The following SORCS2 variants were observed in gnomAD, a reference collection of about 807,000 sequenced individuals.
The protein encoded by SORCS2 is VPS10 domain-containing receptor SorCS2.
SORCS2 carries 100 observed loss-of-function variants against 141.6 expected under a neutral mutation model. The ratio of observed to expected loss-of-function variants is 0.71; its 90% CI spans 0.60 to 0.83. SORCS2 has a LOEUF of 0.83. Among genes scored for constraint, SORCS2 ranks in the 40% least tolerant of loss-of-function variants. The pLI is 0.00. For synonymous variants in SORCS2, 789 were observed against 676.9 expected (o/e 1.17, Z -2.57); for missense variants, 1,646 against 1,560.2 (o/e 1.05, Z -0.93).
chr4:7,256,638 A>T (rs774193027), intron 1 of SORCS2, among the ~76,000 whole-genome samples: 1 of 149,914 alleles, frequency 6.7e-6, no homozygotes, highest in Non-Finnish European at 1.5e-5. Flanking sequence ...AGGCAGGAAA[A>T]CCCCAAATCT....
chr4:7,599,828 T>C (rs1006551686), intron 3 of SORCS2, among the ~76,000 whole-genome samples: 21 of 151,282 alleles, frequency 1.4e-4, no homozygotes, highest in African/African-American at 5.1e-4. Context: ...TTTTTCTTTT[T>C]TTTTTTTTTT....
At position 7,740,434 on chromosome 4, in the gene SORCS2, A is replaced by T; in HGVS notation, c.*170A>T. On this transcript the variant is annotated 3_prime_UTR_variant, in exon 27 of 27. Transcript: ENST00000507866. The stretch of plus-strand genomic sequence containing the variant: ...GATAAATCCAAGCCCGCCCAGGCCC[A>T]CGGGGGGCCCACGGGACCCCCCGGG... 1.6e-6 allele frequency: 1 copy of T among 625,180 alleles called. No individual in the cohort carries two copies. 38.7% of individuals were successfully genotyped at this position (625,180 alleles called of 1,614,324 possible). A position where few individuals can be genotyped will look rare whatever the true frequency, so the allele number is the denominator to read the frequency against.
chr4:7,446,347 C>T (rs1485057894), intron 2 of SORCS2, among the ~76,000 whole-genome samples: 3 of 152,210 alleles, frequency 2.0e-5, no homozygotes, highest in East Asian at 1.9e-4. Flanking sequence ...CATGGCACCT[C>T]GCAGTGGCGT....
chr4:7,514,034 A>G (rs752059726), intron 2 of SORCS2, among the ~76,000 whole-genome samples: 1 of 152,118 alleles, frequency 6.6e-6, no homozygotes, highest in Non-Finnish European at 1.5e-5. Context: ...TCGTGCGTGC[A>G]TTTCAGCAAA....
chr4:7,311,757 A>G (rs1718198212), intron 1 of SORCS2, among the ~76,000 whole-genome samples: 1 of 152,188 alleles, frequency 6.6e-6, no homozygotes, highest in Admixed American at 6.5e-5. Context: ...TCATGGTTAT[A>G]GTGTTTCGAG....
chr4:7,577,774 A>C (rs1715862531), intron 3 of SORCS2, among the ~76,000 whole-genome samples: 1 of 148,638 alleles, frequency 6.7e-6, no homozygotes, highest in Non-Finnish European at 1.5e-5. Context: ...CATACAGGTG[A>C]AGTCAGCTAG....
intron 1 of SORCS2, among the ~76,000 whole-genome samples, chr4:7,279,271 C>G (rs1236026119): frequency 6.6e-6 from 1 of 152,130 alleles, no homozygotes; most frequent in Non-Finnish European, 1.5e-5. Context: ...GGAAAAACAT[C>G]AGATGGAGCT....
chr4:7,470,057 G>GA (rs1353202724), intron 2 of SORCS2, among the ~76,000 whole-genome samples: 1 of 152,176 alleles, frequency 6.6e-6, no homozygotes. Context: ...ATGGCCAAGG[G>GA]AAAACGCTCC....
At chr4:7,595,612 A>G (rs1264684754) in intron 3 of SORCS2, among the ~76,000 whole-genome samples, 1 of 149,886 alleles carries the variant, frequency 6.7e-6, no homozygotes, top group Non-Finnish European at 1.5e-5. Context: ...CAAGGGTCCT[A>G]GGAGCTGTGT....
In SORCS2 at chr4:7,737,292, C is replaced by T. The variant is rs1183567149; in HGVS notation, c.3415+120C>T. 1.3e-4 allele frequency: 182 copies of T among 1,429,558 alleles called. 3 individuals are homozygous for T. In the South Asian group the frequency reaches 2.3e-3, roughly 18 times the overall value. 88.6% of individuals were successfully genotyped at this position (1,429,558 alleles called of 1,614,324 possible). On this transcript the variant is annotated intron_variant, in intron 26 of 26. Transcript: ENST00000507866. ...CGCTGGGGCCAGCAAAACGCTGGCC[C>T]AGCAGCCCTTGCCAGCGGGTCGGTC...
intron 3 of SORCS2, among the ~76,000 whole-genome samples, chr4:7,590,400 G>A (rs189273933): frequency 1.3e-5 from 2 of 152,212 alleles, no homozygotes; most frequent in East Asian, 1.9e-4. Context: ...GGCTTGTGAA[G>A]ACTGTGAAGG....
At chr4:7,418,236 C>T (rs1031105235) in intron 2 of SORCS2, among the ~76,000 whole-genome samples, 4 of 152,138 alleles carry the variant, frequency 2.6e-5, no homozygotes, top group Non-Finnish European at 5.9e-5. Flanking sequence ...CCATGGGGCT[C>T]GCGTTCTAGC....
At chr4:7,676,318 C>T (rs898216935) in intron 9 of SORCS2, 89 bp downstream of exon 9, 18 of 1,389,554 alleles carry the variant, frequency 1.3e-5, no homozygotes, top group Middle Eastern at 5.0e-4. Context: ...CCTCCCCTCC[C>T]GCCTGTCTAT....
At chr4:7,588,152 G>C (rs955968454) in intron 3 of SORCS2, among the ~76,000 whole-genome samples, 1 of 152,164 alleles carries the variant, frequency 6.6e-6, no homozygotes, top group African/African-American at 2.4e-5. Context: ...CAAATGGCTT[G>C]TTAACCAGAA....
intron 2 of SORCS2, chr4:7,433,809 C>G (rs1244381088): frequency 3.7e-6 from 6 of 1,613,782 alleles, no homozygotes; most frequent in Non-Finnish European, 4.2e-6. Flanking sequence ...TGCACACCTT[C>G]TCTGGGGTGA....
At chr4:7,582,792 C>A (rs1441059902) in intron 3 of SORCS2, among the ~76,000 whole-genome samples, 2 of 152,180 alleles carry the variant, frequency 1.3e-5, no homozygotes, top group Admixed American at 6.5e-5. Flanking sequence ...ATGCCTCCTT[C>A]CACCTGGGTC....
chr4:7,543,137 C>T (rs1337207193), intron 3 of SORCS2, among the ~76,000 whole-genome samples: 3 of 152,170 alleles, frequency 2.0e-5, no homozygotes, highest in African/African-American at 7.2e-5. Context: ...GGCACAGAGC[C>T]CTGGAGGCTT....
chr4:7,444,189 T>C (rs1026864780), intron 2 of SORCS2, among the ~76,000 whole-genome samples: 14 of 152,264 alleles, frequency 9.2e-5, no homozygotes, highest in Admixed American at 2.0e-4. Flanking sequence ...TACTATGTGC[T>C]GAGTGCTATT....
At chr4:7,622,665 C>T (rs1035310258) in intron 3 of SORCS2, among the ~76,000 whole-genome samples, 4 of 152,140 alleles carry the variant, frequency 2.6e-5, no homozygotes, top group African/African-American at 9.7e-5. Context: ...TCCCAGGGGG[C>T]TTCATGCAGG....
Sources: gnomAD v4.1 joint callset for allele counts (sites outside exome capture counted in the v4.1 genomes callset) on GRCh38, gnomAD v4.1.1 for gene constraint, MANE v1.5 for transcripts, NCBI Gene and HGNC (gene_info 2026-07-23, HGNC 2026-07-21) for gene names.